Variants in MEGF11 observed in about 807,000 individuals in gnomAD.
The protein encoded by MEGF11 is multiple EGF like domains 11.
In MEGF11, 126 loss-of-function variants were observed where a neutral mutation model predicts 146.6. That is an observed-to-expected ratio of 0.86 (90% CI 0.74 to 1.00). The LOEUF is 1.00. MEGF11 is among the 50% of genes least tolerant of loss of function. MEGF11 has a pLI of 0.00. For synonymous variants in MEGF11, 532 were observed against 583.4 expected, an observed-to-expected ratio of 0.91 and a Z score of 1.27; for missense variants, 1,509 against 1,521.2, an observed-to-expected ratio of 0.99 and a Z score of 0.13.
At chr15:66,185,853 A>G (rs1430993566) in intron 1 of MEGF11, among the ~76,000 whole-genome samples, 1 of 152,218 alleles carries the variant, frequency 6.6e-6, no homozygotes, top group East Asian at 1.9e-4. Context: ...AGGCAGGGCC[A>G]GGCAGGGGCT....
intron 1 of MEGF11, among the ~76,000 whole-genome samples, chr15:66,189,813 A>G (rs898807221): frequency 6.8e-6 from 1 of 147,752 alleles, no homozygotes; most frequent in African/African-American, 2.5e-5. Flanking sequence ...TAGAGTTCCA[A>G]TGAGCAACAG....
Position 66,119,122 on chromosome 15 carries a change from AGCACTG to A in MEGF11, c.259_264del (p.Gln87_Cys88del). On this transcript the variant is annotated inframe_deletion, in exon 4 of 26. Coordinates refer to ENST00000395614, the MANE Select transcript of MEGF11 (RefSeq NM_001385028.1). ...TCTCCGCTCTCATAGTAGCCAGGGC[AGCACTG>A]GGACCTCCGCCGGTACATGGTCCGG... is the stretch of plus-strand genomic sequence containing the variant. 1 of 1,551,500 alleles carries A rather than the reference AGCACTG, an allele frequency of 6.4e-7. No individual in the cohort carries two copies. The highest frequency in any genetic ancestry group is 1.4e-5 in the African/African-American group (1 of 73,130).
At chr15:66,032,771 T>C (rs2083573222) in intron 5 of MEGF11, among the ~76,000 whole-genome samples, 1 of 152,218 alleles carries the variant, frequency 6.6e-6, no homozygotes, top group Non-Finnish European at 1.5e-5. Context: ...GCTGCATGCC[T>C]GCTTTTAACT....
chr15:65,970,547 C>T lies in MEGF11; in HGVS notation c.899+6G>A. 1 of 1,613,586 alleles carries T rather than the reference C, an allele frequency of 6.2e-7. No individual in the cohort carries two copies. The highest frequency in any genetic ancestry group is 8.5e-7 in the Non-Finnish European group (1 of 1,179,612). Reference sequence around the variant, plus strand: ...CAGCAAAGATAACAGTTAACACTATCCTTACCTGTCCCCCATGTATCCAGC... The same window carrying T: ...CAGCAAAGATAACAGTTAACACTATTCTTACCTGTCCCCCATGTATCCAGC... On this transcript the variant is annotated splice_donor_region_variant and intron_variant, in intron 8 of 25. Coordinates refer to ENST00000395614, the MANE Select transcript of MEGF11 (RefSeq NM_001385028.1).
intron 5 of MEGF11, among the ~76,000 whole-genome samples, chr15:66,072,420 G>A (rs186282714): frequency 3.3e-5 from 5 of 152,120 alleles, no homozygotes. Context: ...TTTCTTCTTA[G>A]CATTTATCAC....
chr15:66,208,086 G>GAA (rs758591227), intron 1 of MEGF11, among the ~76,000 whole-genome samples: 1,826 of 94,386 alleles, frequency 0.019, 46 homozygotes, highest in African/African-American at 0.067. Context: ...CTGTGCCTCA[G>GAA]AAAAAAAAAA....
At chr15:66,253,255 G>A (rs901698149) in intron 1 of MEGF11, among the ~76,000 whole-genome samples, 106 of 152,312 alleles carry the variant, frequency 7.0e-4, no homozygotes, top group Non-Finnish European at 1.8e-4. Flanking sequence ...CCCTCCCCGG[G>A]ACACCCGCGC....
intron 1 of MEGF11, among the ~76,000 whole-genome samples, chr15:66,249,867 G>A (rs2092346973): frequency 6.6e-6 from 1 of 152,196 alleles, no homozygotes; most frequent in Non-Finnish European, 1.5e-5. Context: ...ACTGAAATCT[G>A]AGAATCACTA....
intron 10 of MEGF11, among the ~76,000 whole-genome samples, chr15:65,945,810 A>C (rs1212736713): frequency 1.3e-5 from 2 of 152,094 alleles, no homozygotes; most frequent in Admixed American, 1.3e-4. Flanking sequence ...GCCACAGTTA[A>C]GGTTTCATCC....
At chr15:65,957,482 C>G (rs2080696205) in intron 10 of MEGF11, 65 bp downstream of exon 10, 8 of 1,496,604 alleles carry the variant, frequency 5.3e-6, no homozygotes, top group Non-Finnish European at 6.4e-6. Context: ...CTGATTGCAC[C>G]AGGAGGTGAG....
At chr15:66,099,855 G>A (rs2086713783) in intron 4 of MEGF11, among the ~76,000 whole-genome samples, 1 of 152,148 alleles carries the variant, frequency 6.6e-6, no homozygotes, top group South Asian at 2.1e-4. Flanking sequence ...GCAGGGAGCG[G>A]GTGGGGAGGA....
chr15:66,189,883 G>GA (rs374217720), intron 1 of MEGF11, among the ~76,000 whole-genome samples: 2 of 152,158 alleles, frequency 1.3e-5, no homozygotes, highest in African/African-American at 4.8e-5. Flanking sequence ...TCAGGAGGCT[G>GA]AAATGACAGG....
intron 1 of MEGF11, among the ~76,000 whole-genome samples, chr15:66,148,208 G>A (rs2089444753): frequency 6.6e-6 from 1 of 152,114 alleles, no homozygotes; most frequent in African/African-American, 2.4e-5. Context: ...GTGGGCAGGG[G>A]GTAATGATGT....
chr15:65,927,994 G>A (rs556458922), intron 13 of MEGF11, among the ~76,000 whole-genome samples: 24 of 152,288 alleles, frequency 1.6e-4, no homozygotes, highest in South Asian at 1.2e-3. Context: ...TGCCAGATGC[G>A]GGATGGTACC....
At chr15:66,072,881 C>T (rs141284833) in intron 5 of MEGF11, among the ~76,000 whole-genome samples, 4 of 152,350 alleles carry the variant, frequency 2.6e-5, no homozygotes, top group East Asian at 1.9e-4. Context: ...TGCAAGGCCC[C>T]GGTCTCTGCC....
intron 7 of MEGF11, among the ~76,000 whole-genome samples, chr15:65,974,853 C>T (rs554016915): frequency 4.1e-4 from 62 of 149,988 alleles, no homozygotes; most frequent in African/African-American, 1.4e-3. Flanking sequence ...GAAAAACTTT[C>T]TTTTTTTTTG....
intron 4 of MEGF11, among the ~76,000 whole-genome samples, chr15:66,113,634 C>T (rs745389515): frequency 6.6e-6 from 1 of 152,218 alleles, no homozygotes; most frequent in Non-Finnish European, 1.5e-5. Flanking sequence ...TGGCTCACGC[C>T]TGTAATCCCA....
Position 65,930,747 on chromosome 15 carries a change from G to C in MEGF11, c.1408+76C>G, listed in dbSNP as rs1040588664. On this transcript the variant is annotated intron_variant, in intron 11 of 25. Transcript: ENST00000395614. ...CGGGGGTTGGGGCAGCCCCACCTGAGACCCCTCAGCTGGCAGCACCACCTG... is the reference window on the plus strand; with the variant it reads ...CGGGGGTTGGGGCAGCCCCACCTGACACCCCTCAGCTGGCAGCACCACCTG... 37 of 1,476,196 alleles carry C rather than the reference G, an allele frequency of 2.5e-5. 1 individual carries two copies. The South Asian group carries it at 5.0e-4, about 20-fold the overall frequency. The allele number at this position is 1,476,196 out of a possible 1,614,324, so 91.4% of individuals were successfully genotyped here. A position where few individuals can be genotyped will look rare whatever the true frequency, so the allele number is the denominator to read the frequency against.
intron 1 of MEGF11, among the ~76,000 whole-genome samples, chr15:66,222,316 A>G (rs2091756374): frequency 6.6e-6 from 1 of 151,946 alleles, no homozygotes; most frequent in East Asian, 1.9e-4. Flanking sequence ...CTGCTCCCCA[A>G]CTATACTGTG....
Sources: gnomAD v4.1 joint callset for allele counts (sites outside exome capture counted in the v4.1 genomes callset) on GRCh38, gnomAD v4.1.1 for gene constraint, MANE v1.5 for transcripts, NCBI Gene and HGNC (gene_info 2026-07-23, HGNC 2026-07-21) for gene names.